Variants in ZFYVE21 observed in about 807,000 individuals in gnomAD.
The protein encoded by ZFYVE21 is zinc finger FYVE-type containing 21.
In ZFYVE21, 21 loss-of-function variants were observed where a neutral mutation model predicts 29.5. That is an observed-to-expected ratio of 0.71 (90% CI 0.50 to 1.02). The LOEUF is 1.02. Ranked by LOEUF, ZFYVE21 falls within the 50% of genes least tolerant of loss-of-function variation. The pLI is 0.00. For synonymous variants in ZFYVE21, 151 were observed against 133.8 expected (o/e 1.13, Z -0.89); for missense variants, 326 against 335.4 (o/e 0.97, Z 0.22).
chr14:103,729,344 C>A, intron 5 of ZFYVE21, 162 bp downstream of exon 5: 1 of 679,510 alleles, frequency 1.5e-6, no homozygotes, highest in Non-Finnish European at 2.5e-6. Flanking sequence ...CGTGTATTTA[C>A]TCAGTGGCTT....
rs1019920168 is a variant in ZFYVE21, at chr14:103,732,723, C to T, written c.630C>T (p.Gly210=). The T allele has an allele frequency of 1.9e-6, 3 of 1,613,394 alleles. No individual in the cohort carries two copies. The highest frequency in any genetic ancestry group is 1.1e-5 in the South Asian group (1 of 91,010). The change falls in exon 6 of 7, where the codon GGC becomes GGT. Residue 210 remains glycine, a synonymous_variant. Coordinates refer to ENST00000311141, the MANE Select transcript of ZFYVE21 (RefSeq NM_024071.4). The part of the protein sequence containing the change: ...KLTVVEDVTV[G]RRQAVAWLVA... Reference sequence around the variant, plus strand: ...CAGTGGTGGAGGACGTGACTGTGGGCAGGAGGCAGGCGGTGGCGTGGCTAG... The same window carrying T: ...CAGTGGTGGAGGACGTGACTGTGGGTAGGAGGCAGGCGGTGGCGTGGCTAG...
rs993891603 is a variant in ZFYVE21, at chr14:103,720,793, G to A, written c.138+4814G>A. Among the ~76,000 whole-genome samples, 6 of 152,160 alleles carry A rather than the reference G, an allele frequency of 3.9e-5. No individual in the cohort carries two copies. In the East Asian group the frequency reaches 7.7e-4, roughly 20 times the overall value. On this transcript the variant is annotated intron_variant, in intron 1 of 6. Coordinates refer to ENST00000311141, the MANE Select transcript of ZFYVE21 (RefSeq NM_024071.4). ...AAGGAGCTCCATGCTGGTGTCTGCC[G>A]CACTGTGGAGGAGTGATGGGCTTCA...
At chr14:103,721,489 C>T (rs970417027) in intron 1 of ZFYVE21, among the ~76,000 whole-genome samples, 1 of 152,246 alleles carries the variant, frequency 6.6e-6, no homozygotes, top group Admixed American at 6.5e-5. Flanking sequence ...GCCAGGCGCC[C>T]CAGAGAGGCC....
intron 5 of ZFYVE21, chr14:103,729,709 G>A (rs1171231219): frequency 3.9e-5 from 57 of 1,475,174 alleles, no homozygotes; most frequent in Non-Finnish European, 4.8e-5. Flanking sequence ...TGCGTGTGCC[G>A]TAACCCATGT....
intron 2 of ZFYVE21, chr14:103,727,461 G>T (rs2083938562): frequency 3.7e-6 from 2 of 535,880 alleles, no homozygotes; most frequent in Non-Finnish European, 7.1e-6. Flanking sequence ...GCCCCGAGGC[G>T]CGAGGGCGTC....
intron 1 of ZFYVE21, among the ~76,000 whole-genome samples, chr14:103,722,085 G>A (rs2083877118): frequency 6.6e-6 from 1 of 152,232 alleles, no homozygotes; most frequent in Non-Finnish European, 1.5e-5. Context: ...CTGGGGCCCG[G>A]CTTGCTGTCC....
At position 103,715,967 on chromosome 14, in the gene ZFYVE21, C is replaced by G. The variant is rs1456381110; in HGVS notation, c.126C>G (p.Val42=). 1.5e-5 allele frequency: 21 copies of G among 1,367,446 alleles called. No individual in the cohort carries two copies. Among genetic ancestry groups the G allele is most frequent in the Non-Finnish European group, 2.0e-5 (21 of 1,045,324 alleles). The allele number at this position is 1,367,446 out of a possible 1,614,324, so 84.7% of individuals were successfully genotyped here. A position where few individuals can be genotyped will look rare whatever the true frequency, so the allele number is the denominator to read the frequency against. The part of the protein sequence containing the change: ...SPFGLEEPQW[V]PDKECRRCMQ... ...TCGGCCTGGAGGAGCCGCAGTGGGT[C>G]CCGGACAAGGAGGTGGGTGGCCGTC... Residue 42 remains valine, a synonymous_variant, in exon 1 of 7, where the codon GTC becomes GTG. Transcript: ENST00000311141.
At chr14:103,723,388 G>A (rs1039016300) in intron 1 of ZFYVE21, among the ~76,000 whole-genome samples, 4 of 152,250 alleles carry the variant, frequency 2.6e-5, no homozygotes, top group Non-Finnish European at 5.9e-5. Context: ...CCCACAGCCC[G>A]TGGGCAGGGA....
chr14:103,732,769 G>T lies in ZFYVE21; in HGVS notation c.669+7G>T, dbSNP rs772063182. The T allele has an allele frequency of 2.5e-6, 4 of 1,611,294 alleles. No homozygotes were observed. The East Asian group carries it at 6.7e-5, about 27-fold the overall frequency. On this transcript the variant is annotated splice_region_variant and intron_variant, in intron 6 of 6. Coordinates refer to ENST00000311141, the MANE Select transcript of ZFYVE21 (RefSeq NM_024071.4). ...GCTAGTGGCCATGCACAAGGTACCTGAGCCCAGGCCAGGGAGGCTGGGCCC... is the reference window on the plus strand; with the variant it reads ...GCTAGTGGCCATGCACAAGGTACCTTAGCCCAGGCCAGGGAGGCTGGGCCC...
intron 5 of ZFYVE21, chr14:103,731,742 C>T (rs755514915): frequency 3.9e-5 from 6 of 152,452 alleles, no homozygotes; most frequent in African/African-American, 4.8e-5. Flanking sequence ...AGAGCCGGCC[C>T]TGAGTGCTGA....
chr14:103,727,512 A>G (rs985452980), intron 2 of ZFYVE21: 1 of 684,170 alleles, frequency 1.5e-6, no homozygotes, highest in Admixed American at 2.0e-5. Context: ...AAGCTGAAAA[A>G]CAGCCATTTT....
chr14:103,719,454 CAAAAAAA>C (rs61173072), intron 1 of ZFYVE21, among the ~76,000 whole-genome samples: 3 of 56,864 alleles, frequency 5.3e-5, no homozygotes, highest in Non-Finnish European at 1.1e-4. Flanking sequence ...GACTCTGTCT[CAAAAAAA>C]AAAAAAAAAA....
chr14:103,722,352 T>C (rs1288009745), intron 1 of ZFYVE21, among the ~76,000 whole-genome samples: 7 of 47,920 alleles, frequency 1.5e-4, no homozygotes, highest in Non-Finnish European at 3.0e-4. Context: ...GGTCTGTCTC[T>C]TTTTTTTTTT....
At chr14:103,729,864 C>T (rs765109736) in intron 5 of ZFYVE21, 16 of 1,535,878 alleles carry the variant, frequency 1.0e-5, no homozygotes, top group Admixed American at 2.0e-5. Flanking sequence ...TCTTCCTCCT[C>T]ACCGGGGCTC....
At chr14:103,728,639 T>A in intron 3 of ZFYVE21, 1 of 408,928 alleles carries the variant, frequency 2.4e-6, no homozygotes, top group Non-Finnish European at 4.5e-6. Flanking sequence ...ATGAATTCCC[T>A]GCATCGTTTG....
intron 1 of ZFYVE21, among the ~76,000 whole-genome samples, chr14:103,720,465 C>T (rs771911222): frequency 6.6e-6 from 1 of 152,184 alleles, no homozygotes; most frequent in African/African-American, 2.4e-5. Context: ...TGTGGGAGCT[C>T]AGAGTGCGTG....
rs1280013607 is a variant in ZFYVE21 at position 103,716,967 on chromosome 14, G to C, written c.138+988G>C. 6.6e-6 allele frequency among the ~76,000 whole-genome samples: 1 copy of C among 152,106 alleles called. No homozygotes were observed. The highest frequency in any genetic ancestry group is 1.9e-4 in the East Asian group (1 of 5,200). ...ACTTTCATACTTAACACGTGTTACA[G>C]ATTCGTTTAATTCCCTCAGTGATAG... is the stretch of plus-strand genomic sequence containing the variant. On this transcript the variant is annotated intron_variant, in intron 1 of 6. Transcript: ENST00000311141. The surrounding 1 kb of genome is among the most constrained non-coding windows in gnomAD (Gnocchi z 4.8).
intron 1 of ZFYVE21, chr14:103,725,650 G>T (rs1209162266): frequency 6.6e-6 from 1 of 152,292 alleles, no homozygotes; most frequent in Non-Finnish European, 1.5e-5. Flanking sequence ...CAGCGTCAGT[G>T]GGGGGCTTCA....
intron 1 of ZFYVE21, among the ~76,000 whole-genome samples, chr14:103,720,718 C>T (rs926096790): frequency 5.9e-5 from 9 of 152,242 alleles, no homozygotes; most frequent in South Asian, 4.1e-4. Flanking sequence ...CTCGAGGGGC[C>T]GTTCCTGTTG....
Sources: allele counts gnomAD v4.1 joint callset (sites outside exome capture counted in the v4.1 genomes callset), GRCh38; gene constraint gnomAD v4.1.1; non-coding constraint Gnocchi (gnomAD v3.1); transcripts MANE v1.5; gene names NCBI Gene and HGNC (gene_info 2026-07-23, HGNC 2026-07-21).